MGAT5: variants seen among roughly 807,000 people sequenced by gnomAD.
The protein encoded by MGAT5 is alpha-1,6-mannosylglycoprotein 6-beta-N-acetylglucosaminyltransferase.
A neutral mutation model predicts 94.3 loss-of-function variants in MGAT5; 30 were observed. That is an observed-to-expected ratio of 0.32 (90% confidence interval 0.24 to 0.43). MGAT5 has a LOEUF of 0.43. Among genes scored for constraint, MGAT5 ranks in the 20% least tolerant of loss-of-function variants. The pLI is 1.00. For missense variants in MGAT5, 691 were observed against 905.5 expected (o/e 0.76, Z 3.04); for synonymous variants, 310 against 322.9 (o/e 0.96, Z 0.43).
At chr2:134,435,674 G>A (rs1214691997) in intron 14 of MGAT5, among the ~76,000 whole-genome samples, 1 of 152,142 alleles carries the variant, frequency 6.6e-6, no homozygotes, top group Non-Finnish European at 1.5e-5. Flanking sequence ...TGTGTCAGGC[G>A]CTTTTCTGAG....
At chr2:134,192,969 T>C (rs1679301360) in intron 1 of MGAT5, among the ~76,000 whole-genome samples, 1 of 152,002 alleles carries the variant, frequency 6.6e-6, no homozygotes, top group Admixed American at 6.5e-5. Context: ...ATGAATGATG[T>C]TTAAAAAAAT....
chr2:134,406,403 A>G (rs1328056591), intron 11 of MGAT5, among the ~76,000 whole-genome samples: 1 of 152,184 alleles, frequency 6.6e-6, no homozygotes, highest in Non-Finnish European at 1.5e-5. Flanking sequence ...TGGCTGGGTC[A>G]TGACGGCACT....
chr2:134,382,637 C>T (rs1681705531), intron 10 of MGAT5, among the ~76,000 whole-genome samples: 1 of 152,312 alleles, frequency 6.6e-6, no homozygotes, highest in South Asian at 2.1e-4. Context: ...AATTCTTGGG[C>T]GTTCCAGGAT....
intron 7 of MGAT5, among the ~76,000 whole-genome samples, chr2:134,342,244 A>G (rs1394595093): frequency 6.6e-6 from 1 of 152,098 alleles, no homozygotes; most frequent in Non-Finnish European, 1.5e-5. Context: ...TGTTAACTCT[A>G]CTTGGGTTTT....
chr2:134,397,072 G>C (rs1682754897), intron 10 of MGAT5, among the ~76,000 whole-genome samples: 1 of 152,238 alleles, frequency 6.6e-6, no homozygotes, highest in South Asian at 2.1e-4. Flanking sequence ...GCAGATGACA[G>C]AGGGAATAGT....
At chr2:134,443,784 G>A (rs1218148197) in intron 15 of MGAT5, among the ~76,000 whole-genome samples, 1 of 152,220 alleles carries the variant, frequency 6.6e-6, no homozygotes, top group Admixed American at 6.5e-5. Context: ...GGATTCTTGA[G>A]AACCCTGAGT....
chr2:134,360,946 G>A (rs1316780528), intron 9 of MGAT5, among the ~76,000 whole-genome samples: 3 of 152,236 alleles, frequency 2.0e-5, no homozygotes, highest in Non-Finnish European at 4.4e-5. Flanking sequence ...AACGGAGGGT[G>A]ACAACACAGT....
At chr2:134,270,589 C>T (rs1217489264) in intron 2 of MGAT5, 39 bp downstream of exon 2, 1 of 1,603,618 alleles carries the variant, frequency 6.2e-7, no homozygotes, top group Non-Finnish European at 8.5e-7. Context: ...TGGAGTCACA[C>T]CCTGCTTTGG....
At chr2:134,146,421 G>A (rs1423315015) in intron 1 of MGAT5, among the ~76,000 whole-genome samples, 1 of 152,032 alleles carries the variant, frequency 6.6e-6, no homozygotes, top group African/African-American at 2.4e-5. Flanking sequence ...TTAGCCAGGT[G>A]TGGTGTCATG....
At chr2:134,305,726 A>G (rs1475321018) in intron 2 of MGAT5, among the ~76,000 whole-genome samples, 1 of 152,164 alleles carries the variant, frequency 6.6e-6, no homozygotes, top group Non-Finnish European at 1.5e-5. Context: ...TCTGTGTTGC[A>G]AGGGCATGTC....
intron 1 of MGAT5, among the ~76,000 whole-genome samples, chr2:134,158,711 C>A (rs927670788): frequency 3.9e-4 from 60 of 152,366 alleles, no homozygotes; most frequent in African/African-American, 1.3e-3. Flanking sequence ...TGCCCTGTCC[C>A]ACCTGTGCCT....
chr2:134,379,314 T>C (rs1397289174), intron 10 of MGAT5, among the ~76,000 whole-genome samples: 2 of 152,240 alleles, frequency 1.3e-5, no homozygotes, highest in Non-Finnish European at 2.9e-5. Context: ...AGATCAAATA[T>C]TCCTTTCCAG....
chr2:134,179,290 A>G (rs1688622082), intron 1 of MGAT5, among the ~76,000 whole-genome samples: 1 of 152,168 alleles, frequency 6.6e-6, no homozygotes, highest in Non-Finnish European at 1.5e-5. Context: ...GATGTATCTT[A>G]GGGAGAAAAT....
At chr2:134,247,100 G>T (rs1346844359) in intron 1 of MGAT5, among the ~76,000 whole-genome samples, 1 of 152,094 alleles carries the variant, frequency 6.6e-6, no homozygotes, top group Non-Finnish European at 1.5e-5. Flanking sequence ...AATGGGAGTG[G>T]CTATCATTTT....
intron 4 of MGAT5, among the ~76,000 whole-genome samples, chr2:134,322,454 C>T (rs1392055387): frequency 1.3e-5 from 2 of 152,142 alleles, no homozygotes; most frequent in African/African-American, 2.4e-5. Context: ...CTAAATCAAG[C>T]TAATTAACAT....
intron 2 of MGAT5, among the ~76,000 whole-genome samples, chr2:134,291,409 T>G (rs1685356397): frequency 6.6e-6 from 1 of 152,194 alleles, no homozygotes; most frequent in African/African-American, 2.4e-5. Flanking sequence ...TTCCCACATG[T>G]TGATCTTAGA....
chr2:134,151,465 G>A (rs1687170850), intron 1 of MGAT5, among the ~76,000 whole-genome samples: 1 of 144,196 alleles, frequency 6.9e-6, no homozygotes, highest in South Asian at 2.3e-4. Flanking sequence ...CACGCCCTAT[G>A]GGAGCCGCCC....
intron 1 of MGAT5, among the ~76,000 whole-genome samples, chr2:134,269,001 T>A (rs369998593): frequency 6.6e-6 from 1 of 152,364 alleles, no homozygotes; most frequent in African/African-American, 2.4e-5. Context: ...GCCCTCATTT[T>A]ATCAGCTCAT....
Position 134,345,031 on chromosome 2 carries a change from A to G in MGAT5, c.1079A>G (p.Lys360Arg). The change falls in exon 8 of 16, where the codon AAG becomes AGG. Residue 360 changes from lysine (K) to arginine (R), a missense_variant. Lys to Arg is a conservative substitution (Grantham distance 26). This residue lies in a region of MGAT5 where 121 missense variants were observed against 206.1 expected (regional missense o/e 0.59). Coordinates refer to ENST00000281923, the MANE Select transcript of MGAT5 (RefSeq NM_002410.5). The part of the protein sequence containing the change: ...YIDIVGLAQF[K>R]KTLGPSWVHY... Reference sequence around the variant, plus strand: ...GATATTGTAGGACTTGCTCAATTCAAGAAAACTCTTGGACCATCCTGGGTT... The same window carrying G: ...GATATTGTAGGACTTGCTCAATTCAGGAAAACTCTTGGACCATCCTGGGTT... 1 of 1,613,636 alleles carries G rather than the reference A, an allele frequency of 6.2e-7. No homozygotes were observed. Among genetic ancestry groups the G allele is most frequent in the South Asian group, 1.1e-5 (1 of 91,054 alleles).
Sources: allele counts gnomAD v4.1 joint callset (sites outside exome capture counted in the v4.1 genomes callset), GRCh38; gene constraint gnomAD v4.1.1; regional missense constraint gnomAD v4.1.1; transcripts MANE v1.5; gene names NCBI Gene and HGNC (gene_info 2026-07-23, HGNC 2026-07-21).